PRDM16: variants seen among roughly 807,000 people sequenced by gnomAD.
PRDM16 encodes the protein histone-lysine N-methyltransferase PRDM16.
PRDM16 carries 23 observed loss-of-function variants against 110.6 expected under a neutral mutation model. That is an observed-to-expected ratio of 0.21 (90% CI 0.15 to 0.29). PRDM16 has a LOEUF of 0.29. Among genes scored for constraint, PRDM16 ranks in the 10% least tolerant of loss-of-function variants. The pLI is 1.00. For missense variants in PRDM16, 1,615 were observed against 1,794.3 expected (o/e 0.90, Z 1.81); for synonymous variants, 799 against 781.8 (o/e 1.02, Z -0.37).
intron 3 of PRDM16, among the ~76,000 whole-genome samples, chr1:3,371,474 A>G (rs1642907581): frequency 7.0e-6 from 1 of 142,622 alleles, no homozygotes; most frequent in Non-Finnish European, 1.5e-5. Flanking sequence ...TCCACCATCT[A>G]TCCATCCATC....
chr1:3,181,795 C>CGGTCTT (rs1644206343), intron 1 of PRDM16, among the ~76,000 whole-genome samples: 14 of 132,370 alleles, frequency 1.1e-4, no homozygotes, highest in Admixed American at 4.6e-4. Context: ...CTTACACATG[C>CGGTCTT]AGTCTTACAC....
At chr1:3,311,347 G>C (rs1286271374) in intron 3 of PRDM16, among the ~76,000 whole-genome samples, 1 of 152,172 alleles carries the variant, frequency 6.6e-6, no homozygotes, top group African/African-American at 2.4e-5. Flanking sequence ...GTTGGGGAGA[G>C]GTTCTTGGGT....
At chr1:3,195,039 G>A (rs1334474621) in intron 2 of PRDM16, among the ~76,000 whole-genome samples, 1 of 152,224 alleles carries the variant, frequency 6.6e-6, no homozygotes, top group Non-Finnish European at 1.5e-5. Context: ...GAGCGCACCG[G>A]CCAGTGGATG....
chr1:3,317,722 C>A (rs779793554), intron 3 of PRDM16, among the ~76,000 whole-genome samples: 2 of 152,226 alleles, frequency 1.3e-5, no homozygotes, highest in Non-Finnish European at 2.9e-5. Flanking sequence ...CGGAGCCTGC[C>A]CATGAGTGTC....
intron 2 of PRDM16, among the ~76,000 whole-genome samples, chr1:3,224,711 C>T (rs1639247136): frequency 6.6e-6 from 1 of 152,244 alleles, no homozygotes; most frequent in African/African-American, 2.4e-5. Flanking sequence ...GGGCCACAGC[C>T]TGGATAAAAG....
At chr1:3,116,080 A>G (rs1324547692) in intron 1 of PRDM16, among the ~76,000 whole-genome samples, 1 of 152,158 alleles carries the variant, frequency 6.6e-6, no homozygotes, top group African/African-American at 2.4e-5. Context: ...AGCCCCTCAC[A>G]CGGCAGGCGT....
At chr1:3,308,161 C>T (rs1320945888) in intron 3 of PRDM16, 1 of 152,252 alleles carries the variant, frequency 6.6e-6, no homozygotes, top group South Asian at 2.1e-4. Flanking sequence ...AGTGATGAAA[C>T]CTCTCTCAAG....
intron 2 of PRDM16, among the ~76,000 whole-genome samples, chr1:3,211,302 C>G (rs1638876835): frequency 6.6e-6 from 1 of 152,208 alleles, no homozygotes; most frequent in Non-Finnish European, 1.5e-5. Context: ...TTTTCTTTTT[C>G]TAAGTAGACC....
At chr1:3,194,068 G>C (rs1336188060) in intron 2 of PRDM16, among the ~76,000 whole-genome samples, 1 of 152,262 alleles carries the variant, frequency 6.6e-6, no homozygotes, top group Non-Finnish European at 1.5e-5. Flanking sequence ...TAGATAGGAG[G>C]AGTGGAGAGC....
intron 12 of PRDM16, among the ~76,000 whole-genome samples, chr1:3,424,431 C>T (rs955536161): frequency 1.3e-5 from 2 of 152,232 alleles, no homozygotes; most frequent in African/African-American, 4.8e-5. Context: ...GACGACTTTC[C>T]AGCCGCAAGG....
At chr1:3,226,380 C>T (rs114911428) in intron 2 of PRDM16, among the ~76,000 whole-genome samples, 8,738 of 152,226 alleles carry the variant, frequency 0.057, 388 homozygotes, top group South Asian at 0.22. Context: ...GGTGAGGCTG[C>T]GCCTGGCACC....
At chr1:3,352,525 C>G (rs1642515066) in intron 3 of PRDM16, among the ~76,000 whole-genome samples, 1 of 152,206 alleles carries the variant, frequency 6.6e-6, no homozygotes, top group South Asian at 2.1e-4. Flanking sequence ...TCCCTTTCTT[C>G]TCCCTCCACG....
intron 1 of PRDM16, among the ~76,000 whole-genome samples, chr1:3,140,638 G>A (rs1372819042): frequency 6.6e-6 from 1 of 152,250 alleles, no homozygotes; most frequent in Non-Finnish European, 1.5e-5. Flanking sequence ...GCTGAGCTCA[G>A]GGCTGTAAAA....
chr1:3,106,979 G>A (rs1476094643), intron 1 of PRDM16, among the ~76,000 whole-genome samples: 5 of 152,218 alleles, frequency 3.3e-5, no homozygotes, highest in African/African-American at 9.6e-5. Flanking sequence ...TCTCTCCCCT[G>A]CCCCACCAGA....
intron 3 of PRDM16, among the ~76,000 whole-genome samples, chr1:3,280,408 T>C (rs1051053007): frequency 3.9e-5 from 6 of 152,228 alleles, no homozygotes; most frequent in Admixed American, 6.5e-5. Context: ...CAGAGTTCTC[T>C]GTTTGCACAC....
chr1:3,083,643 G>A (rs1419037739), intron 1 of PRDM16, among the ~76,000 whole-genome samples: 2 of 152,234 alleles, frequency 1.3e-5, no homozygotes, highest in Admixed American at 6.5e-5. Context: ...GGTGGGTGCC[G>A]GAGCTGGATC....
intron 2 of PRDM16, among the ~76,000 whole-genome samples, chr1:3,192,817 C>T (rs1435072596): frequency 1.3e-5 from 2 of 152,166 alleles, no homozygotes; most frequent in African/African-American, 4.8e-5. Flanking sequence ...CACCCGGCTG[C>T]CTTGTTGCCA....
At chr1:3,285,545 G>A (rs577532702) in intron 3 of PRDM16, among the ~76,000 whole-genome samples, 9 of 152,242 alleles carry the variant, frequency 5.9e-5, no homozygotes, top group African/African-American at 1.9e-4. Flanking sequence ...TGACATGCTC[G>A]CTCGGGAGCT....
rs140812042 is a variant in PRDM16, at chr1:3,309,463, G to C, written c.438+65326G>C. The C allele has an allele frequency of 7.9e-4, 120 of 152,366 alleles. 4 individuals are homozygous for C. In the East Asian group the frequency reaches 0.021, roughly 27 times the overall value. The allele number at this position is 152,366 out of a possible 1,614,324, so 9.4% of individuals were successfully genotyped here. On this transcript the variant is annotated intron_variant, in intron 3 of 16. Transcript: ENST00000270722. ...TCCATATGTGGGGAGCATTTCCAAG[G>C]CTTCATAGAGTTCTCAGCCCAGACA... is the stretch of plus-strand genomic sequence containing the variant.
Sources: gnomAD v4.1 joint callset for allele counts (sites outside exome capture counted in the v4.1 genomes callset) on GRCh38, gnomAD v4.1.1 for gene constraint, MANE v1.5 for transcripts, NCBI Gene and HGNC (gene_info 2026-07-23, HGNC 2026-07-21) for gene names.